The following ADAM12 variants were observed in gnomAD, a reference collection of about 807,000 sequenced individuals.
ADAM12 encodes ADAM metallopeptidase domain 12, also known as disintegrin and metalloproteinase domain-containing protein 12.
In ADAM12, 70 loss-of-function variants were observed where a neutral mutation model predicts 106.4. The ratio of observed to expected loss-of-function variants is 0.66; its 90% CI spans 0.54 to 0.80. The LOEUF (loss-of-function observed/expected upper bound fraction) is 0.80, where lower values mean the gene tolerates loss of function less well. Ranked by LOEUF, ADAM12 falls within the 30% of genes least tolerant of loss-of-function variation. ADAM12 has a pLI of 0.00. For missense variants in ADAM12, 1,010 were observed against 1,171.9 expected (o/e 0.86, Z 2.02); for synonymous variants, 420 against 433.5 (o/e 0.97, Z 0.39).
At chr10:126,363,737 C>A (rs1855814923) in intron 1 of ADAM12, among the ~76,000 whole-genome samples, 1 of 152,120 alleles carries the variant, frequency 6.6e-6, no homozygotes, top group Non-Finnish European at 1.5e-5. Flanking sequence ...CTCAGCAGGC[C>A]CATAAACATG....
chr10:126,136,307 G>T (rs1289549755), intron 4 of ADAM12, among the ~76,000 whole-genome samples: 1 of 152,200 alleles, frequency 6.6e-6, no homozygotes, highest in Non-Finnish European at 1.5e-5. Context: ...CACTTCCTTA[G>T]TGAAGACAGA....
chr10:126,242,700 T>G (rs962803624), intron 3 of ADAM12, among the ~76,000 whole-genome samples: 3 of 152,208 alleles, frequency 2.0e-5, no homozygotes, highest in Non-Finnish European at 2.9e-5. Context: ...TCTCTGAGTT[T>G]CTGACACAAA....
intron 16 of ADAM12, among the ~76,000 whole-genome samples, chr10:126,048,907 C>T (rs956760763): frequency 6.6e-6 from 1 of 152,096 alleles, no homozygotes. Flanking sequence ...GAGGACAAGC[C>T]CCCAAGAACT....
intron 1 of ADAM12, among the ~76,000 whole-genome samples, chr10:126,361,757 C>T (rs1304987330): frequency 6.6e-6 from 1 of 152,092 alleles, no homozygotes. Flanking sequence ...AAATTGGACA[C>T]TTATCTCACA....
At chr10:126,382,747 G>T (rs1856538025) in intron 1 of ADAM12, among the ~76,000 whole-genome samples, 1 of 152,052 alleles carries the variant, frequency 6.6e-6, no homozygotes, top group Non-Finnish European at 1.5e-5. Flanking sequence ...TTAAACAAAT[G>T]GGGGGGAAAG....
Position 126,353,358 on chromosome 10 carries a change from G to T in ADAM12, c.89-22849C>A, listed in dbSNP as rs375017706. Among the ~76,000 whole-genome samples the T allele has an allele frequency of 9.9e-5, 15 of 152,158 alleles. No individual in the cohort carries two copies. The East Asian group carries it at 1.9e-3, about 20-fold the overall frequency. On this transcript the variant is annotated intron_variant, in intron 1 of 22. Coordinates refer to ENST00000448723, the MANE Select transcript of ADAM12 (RefSeq NM_001288973.2). ...AAAGCAACAGTGTCATACTAAGATG[G>T]TGGAGCTCCCAGGGAGAATGTCTTC... is the stretch of plus-strand genomic sequence containing the variant.
intron 3 of ADAM12, among the ~76,000 whole-genome samples, chr10:126,248,983 G>A (rs1958688666): frequency 1.3e-5 from 2 of 152,096 alleles, no homozygotes; most frequent in African/African-American, 4.8e-5. Context: ...TGGGATTACA[G>A]GCATGAGCCA....
intron 3 of ADAM12, among the ~76,000 whole-genome samples, chr10:126,252,306 T>A (rs1287891946): frequency 1.3e-5 from 2 of 151,238 alleles, no homozygotes; most frequent in Non-Finnish European, 3.0e-5. Context: ...ATGGATGGGA[T>A]GGATGGATGG....
chr10:126,134,869 G>C (rs890945815), intron 5 of ADAM12, among the ~76,000 whole-genome samples: 1 of 152,192 alleles, frequency 6.6e-6, no homozygotes, highest in African/African-American at 2.4e-5. Context: ...AGTTACCCAG[G>C]ACTCTGAGGT....
chr10:126,134,227 T>A (rs1366504668), intron 5 of ADAM12, among the ~76,000 whole-genome samples: 2 of 152,276 alleles, frequency 1.3e-5, no homozygotes, highest in Middle Eastern at 3.4e-3. Context: ...TTTAAAAAAA[T>A]GCAGGTATGC....
rs559765033 is a variant in ADAM12 at position 126,214,303 on chromosome 10, C to T, written c.261-58998G>A. ...CACGTGAGTTAGTCAAGTCCCTCCC[C>T]TCCCTCTGTTTCTCTATCTGTAACG... On this transcript the variant is annotated intron_variant, in intron 3 of 22. Transcript: ENST00000448723. Among the ~76,000 whole-genome samples the T allele has an allele frequency of 5.3e-5, 8 of 152,354 alleles. No individual in the cohort carries two copies. The South Asian group carries it at 1.7e-3, about 32-fold the overall frequency.
Position 126,015,727 on chromosome 10 carries a change from G to C in ADAM12, c.*1552C>G, listed in dbSNP as rs531557231. The C allele has an allele frequency of 2.0e-5, 3 of 152,294 alleles. No individual in the cohort carries two copies. The East Asian group carries it at 5.8e-4, about 29-fold the overall frequency. The allele number at this position is 152,294 out of a possible 1,614,324, so 9.4% of individuals were successfully genotyped here. On this transcript the variant is annotated 3_prime_UTR_variant, in exon 23 of 23. Coordinates refer to ENST00000448723, the MANE Select transcript of ADAM12 (RefSeq NM_001288973.2). ...TGTTTCAAAGCATAGGAAAACTGTT[G>C]ACCCCCAAAAGAAGGCTTTCTCATA...
At position 126,109,801 on chromosome 10, in the gene ADAM12, G is replaced by C. The variant is rs752557834; in HGVS notation, c.643C>G (p.Leu215Val). The C allele has an allele frequency of 3.7e-6, 6 of 1,612,292 alleles. No homozygotes were observed. The Admixed American group carries it at 8.3e-5, about 22-fold the overall frequency. Residue 215 changes from leucine to valine, a missense_variant, in exon 7 of 23, where the codon CTG (leucine) becomes GTG (valine). By Grantham distance (32) the Leu-to-Val change is conservative. Around this residue, in one of 3 missense-constraint regions of ADAM12, gnomAD observed 391 missense variants for 442.9 expected, o/e 0.88. Coordinates refer to ENST00000448723, the MANE Select transcript of ADAM12 (RefSeq NM_001288973.2). ...TCTCGGTTGTCTGCCACGATCACCAGCTCCACATACTTAGTTGCCTTGAGG... is the reference window on the plus strand; with the variant it reads ...TCTCGGTTGTCTGCCACGATCACCACCTCCACATACTTAGTTGCCTTGAGG... ...ETLKATKYVE[L>V]VIVADNREFQ... is the part of the protein sequence containing the mutation.
chr10:126,151,834 T>A (rs1382402554), intron 4 of ADAM12, among the ~76,000 whole-genome samples: 1 of 151,952 alleles, frequency 6.6e-6, no homozygotes, highest in Non-Finnish European at 1.5e-5. Flanking sequence ...TTAGTATTGT[T>A]CACAACATTC....
At chr10:126,148,975 G>C (rs897220398) in intron 4 of ADAM12, among the ~76,000 whole-genome samples, 3 of 152,158 alleles carry the variant, frequency 2.0e-5, no homozygotes, top group African/African-American at 7.2e-5. Flanking sequence ...CTGACCTCAA[G>C]GGCTGCCCAA....
rs1280833009 is a variant in ADAM12, at chr10:126,344,664, C to G, written c.89-14155G>C. 5.9e-5 allele frequency among the ~76,000 whole-genome samples: 9 copies of G among 152,104 alleles called. No individual in the cohort carries two copies. The South Asian group carries it at 1.7e-3, about 28-fold the overall frequency. On this transcript the variant is annotated intron_variant, in intron 1 of 22. Coordinates refer to ENST00000448723, the MANE Select transcript of ADAM12 (RefSeq NM_001288973.2). ...TTCTTCCTATCCATGAGCATGGAATCTTCTTCCATTTGTTTGTGTCCTCTT... is the reference window on the plus strand; with the variant it reads ...TTCTTCCTATCCATGAGCATGGAATGTTCTTCCATTTGTTTGTGTCCTCTT...
At chr10:126,350,756 G>A (rs1170406253) in intron 1 of ADAM12, among the ~76,000 whole-genome samples, 2 of 152,188 alleles carry the variant, frequency 1.3e-5, no homozygotes, top group Non-Finnish European at 2.9e-5. Flanking sequence ...CCATTCTACT[G>A]AGCAGGGGAT....
chr10:126,090,717 C>T (rs549096999), intron 11 of ADAM12: 1 of 152,328 alleles, frequency 6.6e-6, no homozygotes, highest in Admixed American at 6.5e-5. Flanking sequence ...TGAAGTCACA[C>T]AAGTCTTAAG....
Position 126,041,253 on chromosome 10 carries a change from CTGAGCCATGGCCAGGCCAGGGAGCAG to C in ADAM12, c.2104+1761_2104+1786del, listed in dbSNP as rs1271634922. 5.7e-6 allele frequency: 5 copies of C among 877,860 alleles called. No individual in the cohort carries two copies. In the East Asian group the frequency reaches 6.0e-4, roughly 106 times the overall value. The allele number at this position is 877,860 out of a possible 1,614,324, so 54.4% of individuals were successfully genotyped here. A position where few individuals can be genotyped will look rare whatever the true frequency, so the allele number is the denominator to read the frequency against. Reference sequence around the variant, plus strand: ...ACACAAGTACTTGTTTAATGAGCCCCTGAGCCATGGCCAGGCCAGGGAGCAGTGAGCCATGCTTGCTCATGGCCTGC... The same window carrying C: ...ACACAAGTACTTGTTTAATGAGCCCCTGAGCCATGCTTGCTCATGGCCTGC... On this transcript the variant is annotated intron_variant, in intron 18 of 22. Coordinates refer to ENST00000448723, the MANE Select transcript of ADAM12 (RefSeq NM_001288973.2).
Sources: gnomAD v4.1 joint callset for allele counts (sites outside exome capture counted in the v4.1 genomes callset) on GRCh38, gnomAD v4.1.1 for gene constraint, gnomAD v4.1.1 regional missense constraint, MANE v1.5 for transcripts, NCBI Gene and HGNC (gene_info 2026-07-23, HGNC 2026-07-21) for gene names.